Variants in ZNF385B observed in about 807,000 individuals in gnomAD.
ZNF385B encodes zinc finger protein 385B, also known as zinc finger protein 533.
Under a neutral mutation model 39.2 loss-of-function variants are expected in ZNF385B, and 23 were observed. The observed-to-expected ratio is 0.59, with a 90% CI of 0.42 to 0.83. The LOEUF (loss-of-function observed/expected upper bound fraction) is 0.83, where lower values mean the gene tolerates loss of function less well. ZNF385B is among the 40% of genes least tolerant of loss of function. The pLI is 0.00. For synonymous variants in ZNF385B, 205 were observed against 222.6 expected, an observed-to-expected ratio of 0.92 and a Z score of 0.70; for missense variants, 552 against 598.9, an observed-to-expected ratio of 0.92 and a Z score of 0.82.
intron 3 of ZNF385B, among the ~76,000 whole-genome samples, chr2:179,682,315 T>A (rs950785281): frequency 7.9e-5 from 12 of 152,242 alleles, no homozygotes; most frequent in Non-Finnish European, 1.6e-4. Flanking sequence ...TATTTCCACA[T>A]GCAGGGCAAA....
intron 3 of ZNF385B, among the ~76,000 whole-genome samples, chr2:179,728,361 G>A (rs964676698): frequency 4.6e-5 from 7 of 151,974 alleles, no homozygotes; most frequent in Non-Finnish European, 1.0e-4. Flanking sequence ...AAAAAAATTA[G>A]TCTCAATTCC....
intron 5 of ZNF385B, among the ~76,000 whole-genome samples, chr2:179,507,869 C>T (rs2057365930): frequency 6.6e-6 from 1 of 152,108 alleles, no homozygotes; most frequent in African/African-American, 2.4e-5. Flanking sequence ...ATCCCCAAGC[C>T]ACACATCATA....
At chr2:179,524,444 C>T (rs1298186759) in intron 4 of ZNF385B, among the ~76,000 whole-genome samples, 1 of 149,694 alleles carries the variant, frequency 6.7e-6, no homozygotes, top group Non-Finnish European at 1.5e-5. Flanking sequence ...CCCAGCTACT[C>T]GGGAGGCTGA....
chr2:179,684,521 C>T (rs1439713651), intron 3 of ZNF385B, among the ~76,000 whole-genome samples: 1 of 152,186 alleles, frequency 6.6e-6, no homozygotes, highest in African/African-American at 2.4e-5. Flanking sequence ...TCCTCTTACA[C>T]ATATTAATCC....
intron 1 of ZNF385B, among the ~76,000 whole-genome samples, chr2:179,827,882 C>CTTG (rs1707767581): frequency 6.6e-6 from 1 of 152,272 alleles, no homozygotes; most frequent in Non-Finnish European, 1.5e-5. Context: ...CATTACCTGC[C>CTTG]TCAAGGGTAA....
intron 3 of ZNF385B, among the ~76,000 whole-genome samples, chr2:179,547,435 G>A (rs1466191861): frequency 6.7e-6 from 1 of 149,234 alleles, no homozygotes; most frequent in African/African-American, 2.5e-5. Flanking sequence ...TCTGCATATG[G>A]ATATTCAGTT....
chr2:179,597,309 T>A (rs1355375513), intron 3 of ZNF385B, among the ~76,000 whole-genome samples: 1 of 152,224 alleles, frequency 6.6e-6, no homozygotes, highest in Non-Finnish European at 1.5e-5. Context: ...GGTTTTATAT[T>A]TTTATGGTGA....
intron 3 of ZNF385B, among the ~76,000 whole-genome samples, chr2:179,719,843 G>A (rs1374708556): frequency 6.6e-6 from 1 of 152,114 alleles, no homozygotes; most frequent in African/African-American, 2.4e-5. Context: ...TACATGAAGG[G>A]GACCATATCT....
At position 179,634,606 on chromosome 2, in the gene ZNF385B, G is replaced by GAGTGTAAATT. The variant is rs921661620; in HGVS notation, c.299-89647_299-89638dup. 1.3e-3 allele frequency among the ~76,000 whole-genome samples: 194 copies of GAGTGTAAATT among 152,306 alleles called. 2 individuals are homozygous for GAGTGTAAATT. Among genetic ancestry groups the GAGTGTAAATT allele is most frequent in the Non-Finnish European group, 2.1e-4 (14 of 68,024 alleles). ...GGGAACGCTTTTACACTGTTGGTGGGAGTGTAAATTAGTTCAACCATTGTG... is the reference window on the plus strand; with the variant it reads ...GGGAACGCTTTTACACTGTTGGTGGGAGTGTAAATTAGTGTAAATTAGTTCAACCATTGTG... On this transcript the variant is annotated intron_variant, in intron 3 of 9. Coordinates refer to ENST00000410066, the MANE Select transcript of ZNF385B (RefSeq NM_152520.6).
At chr2:179,768,754 A>G (rs1404614624) in intron 3 of ZNF385B, among the ~76,000 whole-genome samples, 1 of 152,238 alleles carries the variant, frequency 6.6e-6, no homozygotes, top group Non-Finnish European at 1.5e-5. Context: ...TGTCACAGTG[A>G]AGATACCCAG....
At chr2:179,512,781 C>G (rs1248685956) in intron 5 of ZNF385B, among the ~76,000 whole-genome samples, 1 of 152,142 alleles carries the variant, frequency 6.6e-6, no homozygotes, top group East Asian at 1.9e-4. Flanking sequence ...GCATATTATT[C>G]CTGGACTGCA....
intron 3 of ZNF385B, among the ~76,000 whole-genome samples, chr2:179,702,345 A>G (rs1412582030): frequency 6.6e-6 from 1 of 152,226 alleles, no homozygotes; most frequent in Non-Finnish European, 1.5e-5. Flanking sequence ...ATAGAAAACA[A>G]TGATTATTGT....
intron 3 of ZNF385B, among the ~76,000 whole-genome samples, chr2:179,746,845 G>A (rs1210317869): frequency 6.6e-6 from 1 of 152,078 alleles, no homozygotes; most frequent in Non-Finnish European, 1.5e-5. Context: ...CCAGAAAGCA[G>A]TAGCAGTGCT....
At chr2:179,610,906 A>G (rs186040672) in intron 3 of ZNF385B, among the ~76,000 whole-genome samples, 1 of 152,252 alleles carries the variant, frequency 6.6e-6, no homozygotes, top group Non-Finnish European at 1.5e-5. Flanking sequence ...CTGCAACTTT[A>G]TTGAATTTGT....
At chr2:179,639,065 C>T (rs1180310748) in intron 3 of ZNF385B, among the ~76,000 whole-genome samples, 5 of 151,322 alleles carry the variant, frequency 3.3e-5, no homozygotes, top group African/African-American at 9.7e-5. Flanking sequence ...ACAAAAAATA[C>T]AAAAAATTGT....
chr2:179,847,021 T>C (rs1052172609), intron 1 of ZNF385B, among the ~76,000 whole-genome samples: 9 of 152,252 alleles, frequency 5.9e-5, no homozygotes, highest in Non-Finnish European at 1.3e-4. Flanking sequence ...TAAATGCAGG[T>C]GAAAGCATTC....
At chr2:179,638,809 G>C (rs1244644320) in intron 3 of ZNF385B, among the ~76,000 whole-genome samples, 1 of 152,118 alleles carries the variant, frequency 6.6e-6, no homozygotes, top group African/African-American at 2.4e-5. Context: ...AGCTCAAACT[G>C]ATGAGAACAA....
chr2:179,546,356 C>T (rs1333293186), intron 3 of ZNF385B, among the ~76,000 whole-genome samples: 42 of 152,036 alleles, frequency 2.8e-4, no homozygotes. Flanking sequence ...ATTTTTGTAC[C>T]TATTAACCAT....
At chr2:179,786,098 T>C (rs1375663662) in intron 1 of ZNF385B, among the ~76,000 whole-genome samples, 2 of 152,144 alleles carry the variant, frequency 1.3e-5, no homozygotes, top group African/African-American at 2.4e-5. Flanking sequence ...AGCAAAAACA[T>C]TATGACTCAC....
Sources: gnomAD v4.1 joint callset for allele counts (sites outside exome capture counted in the v4.1 genomes callset) on GRCh38, gnomAD v4.1.1 for gene constraint, MANE v1.5 for transcripts, NCBI Gene and HGNC (gene_info 2026-07-23, HGNC 2026-07-21) for gene names.